Variants in ENOX1 observed in about 807,000 individuals in gnomAD.
ENOX1 encodes the protein ecto-NOX disulfide-thiol exchanger 1.
Under a neutral mutation model 82.5 loss-of-function variants are expected in ENOX1, and 42 were observed. The observed-to-expected ratio is 0.51, with a 90% CI of 0.40 to 0.66. The LOEUF (loss-of-function observed/expected upper bound fraction) is 0.66, where lower values mean the gene tolerates loss of function less well. Among genes scored for constraint, ENOX1 ranks in the 30% least tolerant of loss-of-function variants. ENOX1 has a pLI of 0.00. For missense variants in ENOX1, 608 were observed against 811.6 expected, an observed-to-expected ratio of 0.75 and a Z score of 3.05; for synonymous variants, 271 against 282.2, an observed-to-expected ratio of 0.96 and a Z score of 0.40.
At chr13:43,624,181 G>A (rs2082867976) in intron 2 of ENOX1, among the ~76,000 whole-genome samples, 1 of 152,180 alleles carries the variant, frequency 6.6e-6, no homozygotes, top group Non-Finnish European at 1.5e-5. Flanking sequence ...GACTAATGAT[G>A]TTCAGCATCT....
At position 43,593,553 on chromosome 13, in the gene ENOX1, G is replaced by A. The variant is rs187925043; in HGVS notation, c.-219+73926C>T. 1.1e-4 allele frequency among the ~76,000 whole-genome samples: 16 copies of A among 151,850 alleles called. No homozygotes were observed. In the East Asian group the frequency reaches 1.9e-3, roughly 18 times the overall value. On this transcript the variant is annotated intron_variant, in intron 2 of 16. Coordinates refer to ENST00000690772, the MANE Select transcript of ENOX1 (RefSeq NM_001347969.2). ...ATTAAGGAGAGGTTATGGAGTGTTCGTACTCAGCAGGAATTCGAAACCATG... is the reference window on the plus strand; with the variant it reads ...ATTAAGGAGAGGTTATGGAGTGTTCATACTCAGCAGGAATTCGAAACCATG...
chr13:43,399,389 C>T (rs955929489), intron 5 of ENOX1, among the ~76,000 whole-genome samples: 6 of 152,134 alleles, frequency 3.9e-5, no homozygotes, highest in African/African-American at 1.4e-4. Context: ...TTCCACGTGG[C>T]TTGCAGAGAA....
At chr13:43,230,129 G>A (rs2042212618) in intron 15 of ENOX1, among the ~76,000 whole-genome samples, 1 of 152,334 alleles carries the variant, frequency 6.6e-6, no homozygotes, top group Middle Eastern at 3.4e-3. Context: ...CTCTGAGAGG[G>A]TTTAATCAAT....
At chr13:43,378,265 A>T (rs1323149) in intron 5 of ENOX1, among the ~76,000 whole-genome samples, 131,933 of 152,236 alleles carry the variant, frequency 0.87, 58,412 homozygotes, top group Non-Finnish European at 0.95. Context: ...GGAACTCTGG[A>T]AAAGTCTGAC....
intron 2 of ENOX1, among the ~76,000 whole-genome samples, chr13:43,593,892 G>C (rs1196832815): frequency 6.6e-6 from 1 of 152,158 alleles, no homozygotes; most frequent in African/African-American, 2.4e-5. Context: ...GTTCATCCAG[G>C]TAAAGCTATC....
chr13:43,600,039 T>C (rs564682597), intron 2 of ENOX1, among the ~76,000 whole-genome samples: 1 of 152,208 alleles, frequency 6.6e-6, no homozygotes, highest in African/African-American at 2.4e-5. Flanking sequence ...CTACTCACTG[T>C]GAGCTTTGGG....
chr13:43,322,566 G>A lies in ENOX1; in HGVS notation c.1144-65C>T. ...CATATGGCTTTCCCCAATGGTCTTTGGGTATATATGACTGGCATATTAACA... is the reference window on the plus strand; with the variant it reads ...CATATGGCTTTCCCCAATGGTCTTTAGGTATATATGACTGGCATATTAACA... On this transcript the variant is annotated intron_variant, in intron 10 of 16. Transcript: ENST00000690772. 3.1e-6 allele frequency: 4 copies of A among 1,276,472 alleles called. No homozygotes were observed. In the South Asian group the frequency reaches 3.9e-5, roughly 12 times the overall value. The allele number at this position is 1,276,472 out of a possible 1,614,324, so 79.1% of individuals were successfully genotyped here.
At chr13:43,658,332 C>A (rs1054829149) in intron 2 of ENOX1, among the ~76,000 whole-genome samples, 1 of 152,088 alleles carries the variant, frequency 6.6e-6, no homozygotes, top group African/African-American at 2.4e-5. Context: ...TCTCTTACTA[C>A]TTCTTAGTTT....
At chr13:43,686,902 A>G (rs557445868) in intron 1 of ENOX1, among the ~76,000 whole-genome samples, 2 of 152,322 alleles carry the variant, frequency 1.3e-5, no homozygotes, top group East Asian at 3.9e-4. Context: ...CACAGCCCCA[A>G]AGAAAGGTAG....
intron 1 of ENOX1, among the ~76,000 whole-genome samples, chr13:43,725,555 G>A (rs1466266995): frequency 1.3e-5 from 2 of 151,934 alleles, no homozygotes; most frequent in African/African-American, 4.8e-5. Flanking sequence ...GCATATCTTC[G>A]ACTCCTGTGT....
At chr13:43,749,264 G>T (rs1316241923) in intron 1 of ENOX1, among the ~76,000 whole-genome samples, 6 of 152,092 alleles carry the variant, frequency 3.9e-5, no homozygotes, top group Non-Finnish European at 8.8e-5. Context: ...TAAGAACAAG[G>T]CAGGGAATAA....
chr13:43,308,100 A>G (rs4941452), intron 11 of ENOX1, among the ~76,000 whole-genome samples: 145,082 of 152,244 alleles, frequency 0.95, 69,553 homozygotes, highest in East Asian at 1. Context: ...AGAAAGGCAG[A>G]GACTCTGTCC....
chr13:43,378,292 G>T (rs903151801), intron 5 of ENOX1, among the ~76,000 whole-genome samples: 1 of 152,216 alleles, frequency 6.6e-6, no homozygotes, highest in Admixed American at 6.5e-5. Flanking sequence ...TCTGAGTAAA[G>T]AAATAGTTGG....
At chr13:43,707,756 AC>A (rs1238400485) in intron 1 of ENOX1, among the ~76,000 whole-genome samples, 51,957 of 92,800 alleles carry the variant, frequency 0.56, 18,980 homozygotes, top group South Asian at 0.79. Flanking sequence ...AAAAAAAAAA[AC>A]CAAGAACAAA....
chr13:43,704,157 G>C (rs1180802082), intron 1 of ENOX1, among the ~76,000 whole-genome samples: 3 of 151,952 alleles, frequency 2.0e-5, no homozygotes. Context: ...AAGAAAATGT[G>C]ATGTGTACAA....
At chr13:43,691,663 G>A (rs1275536528) in intron 1 of ENOX1, among the ~76,000 whole-genome samples, 3 of 146,198 alleles carry the variant, frequency 2.1e-5, no homozygotes, top group Non-Finnish European at 4.5e-5. Flanking sequence ...TATGTTTAAT[G>A]TTCATTCAGG....
At chr13:43,409,883 C>T (rs1216241894) in intron 5 of ENOX1, among the ~76,000 whole-genome samples, 3 of 152,112 alleles carry the variant, frequency 2.0e-5, no homozygotes, top group South Asian at 2.1e-4. Context: ...GGAATGTAGT[C>T]GGCTGGTGGC....
chr13:43,726,110 TAA>T (rs2088933553), intron 1 of ENOX1, among the ~76,000 whole-genome samples: 1 of 151,760 alleles, frequency 6.6e-6, no homozygotes, highest in Admixed American at 6.6e-5. Flanking sequence ...GAACAAAAAA[TAA>T]AGTGTGACCA....
At chr13:43,623,225 G>A (rs943931478) in intron 2 of ENOX1, among the ~76,000 whole-genome samples, 1 of 152,150 alleles carries the variant, frequency 6.6e-6, no homozygotes, top group Non-Finnish European at 1.5e-5. Context: ...TTGCCTGCCT[G>A]TGGAGTCTGC....
Sources: gnomAD v4.1 joint callset for allele counts (sites outside exome capture counted in the v4.1 genomes callset) on GRCh38, gnomAD v4.1.1 for gene constraint, MANE v1.5 for transcripts, NCBI Gene and HGNC (gene_info 2026-07-23, HGNC 2026-07-21) for gene names.